POLR3F: variants seen among roughly 807,000 people sequenced by gnomAD.
POLR3F encodes the protein RNA polymerase III subunit F.
POLR3F carries 31 observed loss-of-function variants against 43.6 expected under a neutral mutation model. The observed-to-expected ratio is 0.71, with a 90% CI of 0.53 to 0.96. The LOEUF is 0.96. Ranked by LOEUF, POLR3F falls within the 40% of genes least tolerant of loss-of-function variation. The probability of loss-of-function intolerance (pLI) is 0.00; values close to 1 mark genes in which losing one functional copy is unlikely to be tolerated. For synonymous variants in POLR3F, 114 were observed against 132.5 expected (o/e 0.86, Z 0.96); for missense variants, 316 against 391.7 (o/e 0.81, Z 1.63).
chr20:18,468,881 T>C (rs2059727542), intron 1 of POLR3F, 63 bp from the exon 2 acceptor site: 1 of 813,518 alleles, frequency 1.2e-6, no homozygotes, highest in Non-Finnish European at 2.2e-6. Flanking sequence ...ACTTGTATTT[T>C]TACCCCCACT....
At chr20:18,479,244 C>G (rs1337683954) in intron 5 of POLR3F, among the ~76,000 whole-genome samples, 2 of 152,102 alleles carry the variant, frequency 1.3e-5, no homozygotes, top group Admixed American at 1.3e-4. Flanking sequence ...GCCTGTAATC[C>G]CAGCACTTTG....
intron 8 of POLR3F, among the ~76,000 whole-genome samples, chr20:18,483,276 G>C (rs3790148): frequency 0.13 from 19,918 of 152,164 alleles, 1,404 homozygotes; most frequent in Admixed American, 0.17. Context: ...TGTTAGCCAG[G>C]ATGGTCTTGA....
At position 18,483,949 on chromosome 20, in the gene POLR3F, G is replaced by GT. The variant is rs948050312; in HGVS notation, c.*400dup. 1.1e-3 allele frequency: 429 copies of GT among 392,612 alleles called. 2 individuals are homozygous for GT. Among genetic ancestry groups the GT allele is most frequent in the Non-Finnish European group, 1.4e-3 (309 of 223,156 alleles). 24.3% of individuals were successfully genotyped at this position (392,612 alleles called of 1,614,324 possible). On this transcript the variant is annotated 3_prime_UTR_variant, in exon 9 of 9. Coordinates refer to ENST00000377603, the MANE Select transcript of POLR3F (RefSeq NM_006466.4). ...TTATTTATTAAGTTCTTCATTGGAA[G>GT]TTTTTTTTTATATCTGGTTCACTAC...
At chr20:18,477,244 T>C (rs1053962712) in intron 5 of POLR3F, among the ~76,000 whole-genome samples, 13 of 152,194 alleles carry the variant, frequency 8.5e-5, no homozygotes, top group Non-Finnish European at 1.6e-4. Flanking sequence ...AAATTTAGTA[T>C]AGTGAGATAC....
At chr20:18,468,828 A>G in intron 1 of POLR3F, 116 bp from the exon 2 acceptor site, 1 of 652,688 alleles carries the variant, frequency 1.5e-6, no homozygotes, top group East Asian at 2.6e-5. Flanking sequence ...AGAAACCCAG[A>G]TTGTCTGCCA....
chr20:18,484,028 G>T lies in POLR3F; in HGVS notation c.*470G>T, dbSNP rs2059824541. ...TGGTTTCATTGAAAAGAAATTAGAA[G>T]GGGTTAAAGGCAGGAATAGCAAAGA... On this transcript the variant is annotated 3_prime_UTR_variant, in exon 9 of 9. Coordinates refer to ENST00000377603, the MANE Select transcript of POLR3F (RefSeq NM_006466.4). The T allele has an allele frequency of 2.5e-6, 1 of 398,214 alleles. No individual in the cohort carries two copies. Among genetic ancestry groups the T allele is most frequent in the South Asian group, 1.3e-4 (1 of 7,840 alleles). 24.7% of individuals were successfully genotyped at this position (398,214 alleles called of 1,614,324 possible).
At chr20:18,474,059 T>C (rs2059767651) in intron 4 of POLR3F, among the ~76,000 whole-genome samples, 1 of 152,140 alleles carries the variant, frequency 6.6e-6, no homozygotes, top group Non-Finnish European at 1.5e-5. Context: ...CTAATTCTTA[T>C]ATTTATTAAA....
At chr20:18,477,623 A>G (rs899898688) in intron 5 of POLR3F, among the ~76,000 whole-genome samples, 2 of 152,256 alleles carry the variant, frequency 1.3e-5, no homozygotes, top group African/African-American at 4.8e-5. Flanking sequence ...GAAATAAGCT[A>G]TCATGAAAAG....
Position 18,479,846 on chromosome 20 carries a change from CATTA to C in POLR3F, c.430-188_430-185del, listed in dbSNP as rs1315795267. Among the ~76,000 whole-genome samples, 3 of 152,100 alleles carry C rather than the reference CATTA, an allele frequency of 2.0e-5. No homozygotes were observed. In the East Asian group the frequency reaches 5.8e-4, roughly 29 times the overall value. On this transcript the variant is annotated intron_variant, in intron 5 of 8. Coordinates refer to ENST00000377603, the MANE Select transcript of POLR3F (RefSeq NM_006466.4). ...TAGTAATGATTTATCAATATTAGTT[CATTA>C]ATTGTGACAAGTGTACCACACTAAT...
chr20:18,481,734 A>C lies in POLR3F; in HGVS notation c.797A>C (p.His266Pro). 6.2e-7 allele frequency: 1 copy of C among 1,613,174 alleles called. No homozygotes were observed. The highest frequency in any genetic ancestry group is 1.7e-4 in the Middle Eastern group (1 of 6,058). Residue 266 changes from histidine (H) to proline (P), a missense_variant, in exon 8 of 9, where the codon CAC becomes CCC. Around this residue, in one of 3 missense-constraint regions of POLR3F, gnomAD observed 85 missense variants for 80.2 expected, o/e 1.06. Coordinates refer to ENST00000377603, the MANE Select transcript of POLR3F (RefSeq NM_006466.4). The stretch of plus-strand genomic sequence containing the variant: ...GGCACAGTTGGCAGTGTAGATGGAC[A>C]CATGAAACTGTACAGGGCAGTCAAT... ...KEGTVGSVDG[H>P]MKLYRAVNPI...
In POLR3F at chr20:18,469,052, G is replaced by C. The variant is rs2059731714; in HGVS notation, c.171G>C (p.Leu57Phe). The C allele has an allele frequency of 7.0e-7, 1 of 1,422,524 alleles. No homozygotes were observed. 88.1% of individuals were successfully genotyped at this position (1,422,524 alleles called of 1,614,324 possible). ...AGCGGGCAGTAGCCATCAATAGGTT[G>C]TTGTCTATGGTAAGGTGAATCTAAC... ...AQQRAVAINR[L>F]LSMGQLDLLR... Residue 57 changes from leucine to phenylalanine, a missense_variant, in exon 2 of 9, where the codon TTG becomes TTC. By Grantham distance (22) the Leu-to-Phe change is conservative. This residue lies in a region of POLR3F where 122 missense variants were observed against 133.8 expected (regional missense o/e 0.91). Coordinates refer to ENST00000377603, the MANE Select transcript of POLR3F (RefSeq NM_006466.4).
At chr20:18,470,920 A>G (rs1432415906) in intron 2 of POLR3F, among the ~76,000 whole-genome samples, 2 of 152,148 alleles carry the variant, frequency 1.3e-5, no homozygotes, top group African/African-American at 4.8e-5. Context: ...GTACTGCATC[A>G]TGTTCAGGCT....
At chr20:18,477,319 A>G (rs1257293121) in intron 5 of POLR3F, among the ~76,000 whole-genome samples, 1 of 152,230 alleles carries the variant, frequency 6.6e-6, no homozygotes, top group Non-Finnish European at 1.5e-5. Context: ...GACAAGATAC[A>G]GACCAAGATG....
In POLR3F at chr20:18,483,348, A is replaced by G. The variant is rs944185657; in HGVS notation, c.874-133A>G. 6 of 479,304 alleles carry G rather than the reference A, an allele frequency of 1.3e-5. No homozygotes were observed. In the East Asian group the frequency reaches 2.1e-4, roughly 17 times the overall value. 29.7% of individuals were successfully genotyped at this position (479,304 alleles called of 1,614,324 possible). On this transcript the variant is annotated intron_variant, in intron 8 of 8. Coordinates refer to ENST00000377603, the MANE Select transcript of POLR3F (RefSeq NM_006466.4). ...GGTGTGAGCCACTGCGTCCGGCTAT[A>G]ATATGTTCTTAAGTACAGTCCTAGT...
chr20:18,474,605 G>A (rs1474617885), intron 4 of POLR3F, among the ~76,000 whole-genome samples: 2 of 149,202 alleles, frequency 1.3e-5, no homozygotes, highest in Admixed American at 6.7e-5. Flanking sequence ...TGCAACCTCC[G>A]CCTCCCGGGT....
At chr20:18,483,335 TGCGTCCG>T (rs2059820409) in intron 8 of POLR3F, 139 bp from the exon 9 acceptor site, 2 of 438,890 alleles carry the variant, frequency 4.6e-6, no homozygotes. Context: ...TGTGAGCCAC[TGCGTCCG>T]GCTATAATAT....
At chr20:18,470,547 A>T (rs1245405229) in intron 2 of POLR3F, 3 of 154,868 alleles carry the variant, frequency 1.9e-5, no homozygotes, top group Admixed American at 6.5e-5. Flanking sequence ...TAGCCCAAGG[A>T]CAAAGGAATG....
intron 7 of POLR3F, among the ~76,000 whole-genome samples, chr20:18,481,016 A>G (rs1392239259): frequency 6.6e-6 from 1 of 152,176 alleles, no homozygotes. Context: ...ATAAATCTCC[A>G]ATAAATTCCT....
intron 2 of POLR3F, among the ~76,000 whole-genome samples, chr20:18,472,069 G>GTTATAT (rs2148862079): frequency 6.6e-6 from 1 of 152,248 alleles, no homozygotes; most frequent in Admixed American, 6.5e-5. Flanking sequence ...ATAATTATCT[G>GTTATAT]GGTTCTCTTA....
Sources: allele counts gnomAD v4.1 joint callset (sites outside exome capture counted in the v4.1 genomes callset), GRCh38; gene constraint gnomAD v4.1.1; regional missense constraint gnomAD v4.1.1; transcripts MANE v1.5; gene names NCBI Gene and HGNC (gene_info 2026-07-23, HGNC 2026-07-21).